Variants in NELL2 observed in about 807,000 individuals in gnomAD.
NELL2 encodes the protein neural EGFL like 2.
NELL2 carries 41 observed loss-of-function variants against 109.6 expected under a neutral mutation model. The ratio of observed to expected loss-of-function variants is 0.37; its 90% CI spans 0.29 to 0.49. NELL2 has a LOEUF of 0.49. Among genes scored for constraint, NELL2 ranks in the 20% least tolerant of loss-of-function variants. The pLI is 0.98. For missense variants in NELL2, 900 were observed against 1,008.3 expected, an observed-to-expected ratio of 0.89 and a Z score of 1.45; for synonymous variants, 355 against 344.7, an observed-to-expected ratio of 1.03 and a Z score of -0.33.
intron 13 of NELL2, among the ~76,000 whole-genome samples, chr12:44,654,417 T>C (rs1947416527): frequency 6.6e-6 from 1 of 152,184 alleles, no homozygotes; most frequent in Non-Finnish European, 1.5e-5. Flanking sequence ...TCATCGTTTG[T>C]GGTAGTCAGT....
At chr12:44,913,827 T>G (rs887190509) in exon 1 of NELL2, 1 of 806,860 alleles carries the variant, frequency 1.2e-6, no homozygotes, top group Non-Finnish European at 1.9e-6. Flanking sequence ...AGAAGTCTTC[T>G]TATAGACATT....
At chr12:44,546,135 G>T (rs1942783301) in intron 15 of NELL2, among the ~76,000 whole-genome samples, 2 of 152,132 alleles carry the variant, frequency 1.3e-5, no homozygotes, top group South Asian at 4.1e-4. Context: ...AGCAAAAATA[G>T]CTATTCTGTA....
At chr12:44,778,531 G>A (rs1294033743) in intron 5 of NELL2, among the ~76,000 whole-genome samples, 1 of 152,116 alleles carries the variant, frequency 6.6e-6, no homozygotes, top group Non-Finnish European at 1.5e-5. Context: ...ATTGACATGT[G>A]GAGATTTTGA....
At chr12:44,871,886 A>G (rs1592688043) in intron 2 of NELL2, among the ~76,000 whole-genome samples, 1 of 152,198 alleles carries the variant, frequency 6.6e-6, no homozygotes, top group Non-Finnish European at 1.5e-5. Flanking sequence ...CTTCTCTTCT[A>G]TGGATTAATG....
intron 15 of NELL2, among the ~76,000 whole-genome samples, chr12:44,586,790 G>C (rs1944523366): frequency 6.6e-6 from 1 of 152,086 alleles, no homozygotes; most frequent in South Asian, 2.1e-4. Context: ...ATTTTTTGAA[G>C]GAGATTGGAA....
intron 15 of NELL2, among the ~76,000 whole-genome samples, chr12:44,553,249 C>T (rs1341843903): frequency 7.1e-6 from 1 of 141,304 alleles, no homozygotes; most frequent in African/African-American, 2.6e-5. Context: ...TGCACATGTA[C>T]CCTAAAACTT....
intron 9 of NELL2, among the ~76,000 whole-genome samples, chr12:44,769,261 T>C (rs950068955): frequency 2.6e-5 from 4 of 151,994 alleles, no homozygotes; most frequent in Admixed American, 2.0e-4. Context: ...AGCAAGAAAA[T>C]AGTTCTTTGG....
At chr12:44,541,943 G>T (rs1415832059) in intron 15 of NELL2, among the ~76,000 whole-genome samples, 16 of 152,156 alleles carry the variant, frequency 1.1e-4, no homozygotes, top group Non-Finnish European at 1.8e-4. Context: ...TCTAAGCCCA[G>T]ATATTTTAGA....
intron 9 of NELL2, among the ~76,000 whole-genome samples, chr12:44,728,779 G>T (rs1366609036): frequency 6.6e-6 from 1 of 152,106 alleles, no homozygotes; most frequent in Non-Finnish European, 1.5e-5. Context: ...CAGACTATCA[G>T]CAGAATTATC....
In NELL2 at chr12:44,642,615, A is replaced by G. The variant is rs1183321472; in HGVS notation, c.1444+22869T>C. On this transcript the variant is annotated intron_variant, in intron 13 of 19. Coordinates refer to ENST00000429094, the MANE Select transcript of NELL2 (RefSeq NM_001145108.2). ...GTGAAGAAGTGGCCGGGCGTGGTGG[A>G]TCATGCCTGTAATCCCAGCACTCTG... 2.0e-5 allele frequency among the ~76,000 whole-genome samples: 3 copies of G among 152,224 alleles called. No individual in the cohort carries two copies. In the East Asian group the frequency reaches 5.8e-4, roughly 29 times the overall value.
chr12:44,728,022 T>C lies in NELL2; in HGVS notation c.995-13281A>G, dbSNP rs544702760. Among the ~76,000 whole-genome samples, 12 of 151,954 alleles carry C rather than the reference T, an allele frequency of 7.9e-5. No individual in the cohort carries two copies. The East Asian group carries it at 1.4e-3, about 17-fold the overall frequency. ...TGTGGAAATGTTCTTGTTCATACTC[T>C]CACTCACACACACACACACAAAATT... is the stretch of plus-strand genomic sequence containing the variant. On this transcript the variant is annotated intron_variant, in intron 9 of 19. Coordinates refer to ENST00000429094, the MANE Select transcript of NELL2 (RefSeq NM_001145108.2).
chr12:44,610,900 T>A lies in NELL2; in HGVS notation c.1515A>T (p.Gly505=). The change falls in exon 14 of 20, where the codon GGA becomes GGT. Residue 505 remains glycine (G), a synonymous_variant. Transcript: ENST00000429094. ...ENALCFNTVG[G]HNCVCKPGYT... ...AGCCCGGCTTGCAAACACAGTTGTG[T>A]CCTCCAACAGTGTTGAAGCATAAAG... is the stretch of plus-strand genomic sequence containing the variant. The A allele has an allele frequency of 6.2e-7, 1 of 1,613,158 alleles. No homozygotes were observed. Among genetic ancestry groups the A allele is most frequent in the Non-Finnish European group, 8.5e-7 (1 of 1,179,322 alleles).
In NELL2 at chr12:44,906,510, G is replaced by A. The variant is rs146940897; in HGVS notation, c.38+7289C>T. On this transcript the variant is annotated intron_variant, in intron 1 of 20. Transcript: ENST00000333837. ...TAAAAAATGATGATGGCTCAAACCA[G>A]GGTAAGAGTGGGTAGATATGGTGAG... Among the ~76,000 whole-genome samples the A allele has an allele frequency of 1.2e-4, 18 of 152,168 alleles. No homozygotes were observed. The East Asian group carries it at 2.7e-3, about 23-fold the overall frequency.
intron 9 of NELL2, among the ~76,000 whole-genome samples, chr12:44,773,061 T>G (rs1941611265): frequency 6.6e-6 from 1 of 152,202 alleles, no homozygotes; most frequent in Non-Finnish European, 1.5e-5. Flanking sequence ...TTCTGACGAA[T>G]CTCTCACAAT....
At chr12:44,837,850 A>G (rs1944102225) in intron 2 of NELL2, among the ~76,000 whole-genome samples, 1 of 152,194 alleles carries the variant, frequency 6.6e-6, no homozygotes, top group African/African-American at 2.4e-5. Flanking sequence ...AATAGCTTTA[A>G]TTTCTACATT....
At chr12:44,890,197 A>C (rs1018699023) in intron 1 of NELL2, among the ~76,000 whole-genome samples, 5 of 152,148 alleles carry the variant, frequency 3.3e-5, no homozygotes, top group African/African-American at 1.2e-4. Flanking sequence ...TGAGAATGCA[A>C]ACATAAAGAA....
At chr12:44,838,619 G>A (rs1405755874) in intron 2 of NELL2, among the ~76,000 whole-genome samples, 1 of 151,244 alleles carries the variant, frequency 6.6e-6, no homozygotes, top group Non-Finnish European at 1.5e-5. Flanking sequence ...AATAAATGCT[G>A]GATTAACATA....
intron 3 of NELL2, among the ~76,000 whole-genome samples, chr12:44,796,232 T>C (rs1942616083): frequency 1.3e-5 from 2 of 152,146 alleles, no homozygotes; most frequent in South Asian, 4.1e-4. Context: ...TATGATACAA[T>C]TATACATTCT....
chr12:44,647,915 T>C (rs1947152679), intron 13 of NELL2, among the ~76,000 whole-genome samples: 1 of 152,186 alleles, frequency 6.6e-6, no homozygotes, highest in Admixed American at 6.5e-5. Flanking sequence ...AAAATATTTT[T>C]CAATTGGTTG....
Sources: allele counts gnomAD v4.1 joint callset (sites outside exome capture counted in the v4.1 genomes callset), GRCh38; gene constraint gnomAD v4.1.1; transcripts MANE v1.5; gene names NCBI Gene and HGNC (gene_info 2026-07-23, HGNC 2026-07-21).